NAALADL2: variants seen among roughly 807,000 people sequenced by gnomAD.
NAALADL2 encodes the protein N-acetylated alpha-linked acidic dipeptidase like 2.
NAALADL2 carries 76 observed loss-of-function variants against 87.2 expected under a neutral mutation model. The observed-to-expected ratio is 0.87, with a 90% CI of 0.72 to 1.05. The LOEUF (loss-of-function observed/expected upper bound fraction) is 1.05. Among genes scored for constraint, NAALADL2 ranks in the 50% least tolerant of loss-of-function variants. The pLI, the probability that NAALADL2 is intolerant of heterozygous loss-of-function variation, is 0.00. For synonymous variants in NAALADL2, 354 were observed against 331.0 expected, an observed-to-expected ratio of 1.07 and a Z score of -0.75; for missense variants, 1,089 against 945.8, an observed-to-expected ratio of 1.15 and a Z score of -1.99.
intron 13 of NAALADL2, among the ~76,000 whole-genome samples, chr3:175,800,442 C>T (rs1246592167): frequency 1.3e-5 from 2 of 151,762 alleles, no homozygotes; most frequent in South Asian, 2.1e-4. Context: ...GCTAAGTTTA[C>T]TCATAAGCAT....
chr3:174,670,151 G>C (rs1235146979), intron 2 of NAALADL2, among the ~76,000 whole-genome samples: 1 of 151,788 alleles, frequency 6.6e-6, no homozygotes, highest in African/African-American at 2.4e-5. Context: ...AAACTTTAGA[G>C]TTTTGTACGT....
At position 174,561,249 on chromosome 3, in the gene NAALADL2, G is replaced by T. The variant is rs1038926227; in HGVS notation, c.-115+10612G>T. On this transcript the variant is annotated intron_variant, in intron 2 of 3. Transcript: ENST00000434257. ...AGAGTCTCGCTCTGTCACCAGGCTGGAGTGCAGTGGTGCGATCTTGGCTCA... is the reference window on the plus strand; with the variant it reads ...AGAGTCTCGCTCTGTCACCAGGCTGTAGTGCAGTGGTGCGATCTTGGCTCA... 6.8e-4 allele frequency among the ~76,000 whole-genome samples: 102 copies of T among 150,024 alleles called. 1 individual carries two copies. The highest frequency in any genetic ancestry group is 1.6e-4 in the Non-Finnish European group (11 of 67,650).
At chr3:174,685,910 C>G (rs1648994859) in intron 2 of NAALADL2, among the ~76,000 whole-genome samples, 1 of 142,314 alleles carries the variant, frequency 7.0e-6, no homozygotes, top group Non-Finnish European at 1.5e-5. Flanking sequence ...TAAGTGAGAA[C>G]ATGCGGTATT....
chr3:175,218,822 T>G (rs1340941244), intron 2 of NAALADL2, among the ~76,000 whole-genome samples: 1 of 152,004 alleles, frequency 6.6e-6, no homozygotes, highest in Non-Finnish European at 1.5e-5. Flanking sequence ...TTTTGTTTTT[T>G]GAGACGGAGT....
At chr3:174,805,035 T>A (rs1287278124) in intron 3 of NAALADL2, among the ~76,000 whole-genome samples, 10 of 152,276 alleles carry the variant, frequency 6.6e-5, no homozygotes, top group Non-Finnish European at 2.9e-5. Context: ...AGAGTTTTCT[T>A]GTCATAGATT....
intron 11 of NAALADL2, among the ~76,000 whole-genome samples, chr3:175,658,400 G>T (rs951475481): frequency 7.2e-5 from 11 of 152,040 alleles, no homozygotes; most frequent in African/African-American, 2.7e-4. Flanking sequence ...TTATTTACTG[G>T]TCATTAAGAT....
intron 11 of NAALADL2, among the ~76,000 whole-genome samples, chr3:175,720,402 C>A (rs1742072150): frequency 6.6e-6 from 1 of 151,808 alleles, no homozygotes; most frequent in Non-Finnish European, 1.5e-5. Context: ...ATGTTGAGAG[C>A]TATTTGTTGA....
intron 1 of NAALADL2, among the ~76,000 whole-genome samples, chr3:175,077,930 T>C (rs1447906818): frequency 6.6e-6 from 1 of 152,158 alleles, no homozygotes; most frequent in Non-Finnish European, 1.5e-5. Context: ...GTTTTACCTC[T>C]GTACACCATT....
chr3:174,670,243 A>G (rs1270601979), intron 2 of NAALADL2, among the ~76,000 whole-genome samples: 1 of 151,432 alleles, frequency 6.6e-6, no homozygotes, highest in African/African-American at 2.4e-5. Flanking sequence ...TTTTTCTCCT[A>G]GTTGCTCTGG....
intron 3 of NAALADL2, among the ~76,000 whole-genome samples, chr3:174,789,309 C>A (rs28655987): frequency 0.18 from 27,760 of 151,998 alleles, 2,817 homozygotes; most frequent in East Asian, 0.35. Context: ...TTGCCACCAC[C>A]AAAAGGAGTG....
intron 13 of NAALADL2, among the ~76,000 whole-genome samples, chr3:175,785,956 A>G (rs1165070069): frequency 4.6e-5 from 7 of 151,258 alleles, no homozygotes; most frequent in African/African-American, 1.7e-4. Flanking sequence ...TTTCTCCTTC[A>G]CTTATGAAGC....
chr3:174,516,478 C>T (rs1468552023), intron 1 of NAALADL2, among the ~76,000 whole-genome samples: 1 of 152,030 alleles, frequency 6.6e-6, no homozygotes, highest in African/African-American at 2.4e-5. Context: ...TTCTACTTTA[C>T]TAACCTAGAG....
At chr3:175,232,221 A>AGAAGAG (rs1745064192) in intron 2 of NAALADL2, among the ~76,000 whole-genome samples, 11 of 148,638 alleles carry the variant, frequency 7.4e-5, no homozygotes, top group East Asian at 4.0e-4. Context: ...GAAGAGAAGA[A>AGAAGAG]GAAGAAGAGG....
intron 11 of NAALADL2, among the ~76,000 whole-genome samples, chr3:175,726,445 A>G (rs1742933632): frequency 6.6e-6 from 1 of 152,092 alleles, no homozygotes; most frequent in African/African-American, 2.4e-5. Flanking sequence ...ACCTCCATGG[A>G]GCAATGCCCA....
chr3:175,628,024 C>T (rs1727230072), intron 11 of NAALADL2, among the ~76,000 whole-genome samples: 1 of 151,700 alleles, frequency 6.6e-6, no homozygotes, highest in Non-Finnish European at 1.5e-5. Flanking sequence ...AAGTCTTTTA[C>T]TGAATGGCAA....
intron 2 of NAALADL2, among the ~76,000 whole-genome samples, chr3:174,682,884 A>G (rs1727685515): frequency 6.6e-6 from 1 of 152,228 alleles, no homozygotes; most frequent in East Asian, 1.9e-4. Flanking sequence ...CATCAAGACC[A>G]TCTGAAAACA....
intron 1 of NAALADL2, among the ~76,000 whole-genome samples, chr3:174,917,440 G>A (rs780340721): frequency 1.8e-4 from 27 of 152,234 alleles, no homozygotes; most frequent in Non-Finnish European, 2.9e-4. Flanking sequence ...TAAATGTAGT[G>A]TAACTTTAGC....
rs1224433281 is a variant in NAALADL2 at position 174,923,949 on chromosome 3, C to T, written c.43+64499C>T. ...AAAGAACACATGCTGTAATGGCATT[C>T]ATAAATCTCAGCAGCTGTTCATGGA... On this transcript the variant is annotated intron_variant, in intron 1 of 13. Transcript: ENST00000454872. Among the ~76,000 whole-genome samples, 3 of 152,110 alleles carry T rather than the reference C, an allele frequency of 2.0e-5. No homozygotes were observed. In the East Asian group the frequency reaches 5.8e-4, roughly 29 times the overall value.
At chr3:174,538,235 GT>G (rs1185321677) in intron 1 of NAALADL2, among the ~76,000 whole-genome samples, 3 of 152,006 alleles carry the variant, frequency 2.0e-5, no homozygotes, top group Non-Finnish European at 4.4e-5. Flanking sequence ...AAAATTCTAA[GT>G]CCCCAGCCAA....
Sources: allele counts gnomAD v4.1 joint callset (sites outside exome capture counted in the v4.1 genomes callset), GRCh38; gene constraint gnomAD v4.1.1; transcripts MANE v1.5; gene names NCBI Gene and HGNC (gene_info 2026-07-23, HGNC 2026-07-21).